The following CPE variants were observed in gnomAD, a reference collection of about 807,000 sequenced individuals.
CPE encodes the protein carboxypeptidase E.
In CPE, 17 loss-of-function variants were observed where a neutral mutation model predicts 53.5. The observed-to-expected ratio is 0.32, with a 90% CI of 0.22 to 0.48. The LOEUF is 0.48. Among genes scored for constraint, CPE ranks in the 20% least tolerant of loss-of-function variants. The probability of loss-of-function intolerance (pLI) is 0.99; values close to 1 mark genes in which losing one functional copy is unlikely to be tolerated. For missense variants in CPE, 524 were observed against 614.7 expected (o/e 0.85, Z 1.56); for synonymous variants, 226 against 228.8 (o/e 0.99, Z 0.11).
intron 1 of CPE, among the ~76,000 whole-genome samples, chr4:165,421,156 G>A (rs1297333770): frequency 6.6e-6 from 1 of 152,176 alleles, no homozygotes; most frequent in East Asian, 1.9e-4. Flanking sequence ...CCTTTTAACT[G>A]CCTAAGGCTG....
chr4:165,443,644 A>G (rs1731654241), intron 1 of CPE, among the ~76,000 whole-genome samples: 1 of 152,180 alleles, frequency 6.6e-6, no homozygotes, highest in East Asian at 1.9e-4. Context: ...TAAGGACACC[A>G]GTCAGGTTGG....
At chr4:165,420,127 T>A (rs1207421879) in intron 1 of CPE, among the ~76,000 whole-genome samples, 1 of 152,186 alleles carries the variant, frequency 6.6e-6, no homozygotes, top group Non-Finnish European at 1.5e-5. Flanking sequence ...TATTCTTAGA[T>A]TTTATCTCTT....
intron 1 of CPE, among the ~76,000 whole-genome samples, chr4:165,393,477 G>GT (rs56131908): frequency 0.066 from 9,970 of 152,144 alleles, 414 homozygotes; most frequent in African/African-American, 0.11. Flanking sequence ...TAGAATTATA[G>GT]TTTTTTCCTA....
chr4:165,457,899 G>A (rs1263359048), intron 1 of CPE, among the ~76,000 whole-genome samples: 1 of 152,032 alleles, frequency 6.6e-6, no homozygotes, highest in Admixed American at 6.5e-5. Flanking sequence ...ACCCCCTCGT[G>A]TTGTTTATTG....
intron 1 of CPE, among the ~76,000 whole-genome samples, chr4:165,455,062 C>T (rs924888365): frequency 3.3e-5 from 5 of 152,180 alleles, no homozygotes; most frequent in Admixed American, 6.5e-5. Flanking sequence ...GGAGAACTTT[C>T]GACCTTTGGA....
At chr4:165,467,237 C>A (rs1732120633) in intron 2 of CPE, among the ~76,000 whole-genome samples, 2 of 152,190 alleles carry the variant, frequency 1.3e-5, no homozygotes, top group Admixed American at 6.5e-5. Context: ...GAGGGAGGAT[C>A]ACTTGAACCC....
intron 1 of CPE, among the ~76,000 whole-genome samples, chr4:165,407,364 C>T (rs1210849074): frequency 6.6e-6 from 1 of 150,718 alleles, no homozygotes; most frequent in Non-Finnish European, 1.5e-5. Context: ...TTTTCATGTG[C>T]TTATTGACCA....
intron 1 of CPE, chr4:165,405,016 G>T (rs1730930253): frequency 8.1e-6 from 6 of 738,312 alleles, no homozygotes; most frequent in Non-Finnish European, 1.3e-5. Flanking sequence ...AGTTGTGATG[G>T]ATGGACAGCA....
chr4:165,453,100 T>C (rs1420020609), intron 1 of CPE, among the ~76,000 whole-genome samples: 5 of 151,378 alleles, frequency 3.3e-5, no homozygotes, highest in African/African-American at 1.2e-4. Flanking sequence ...GCTGGGACTA[T>C]AGGCATGTGC....
chr4:165,401,543 G>A (rs544904326), intron 1 of CPE, among the ~76,000 whole-genome samples: 266 of 152,260 alleles, frequency 1.7e-3, no homozygotes, highest in African/African-American at 6.0e-3. Flanking sequence ...ATTTATGTGC[G>A]GGTAAAATGA....
intron 1 of CPE, among the ~76,000 whole-genome samples, chr4:165,454,441 CA>C (rs1166350984): frequency 6.6e-6 from 1 of 152,036 alleles, no homozygotes; most frequent in Non-Finnish European, 1.5e-5. Context: ...TAAAATGTTC[CA>C]AAGGTCTCCT....
Position 165,393,815 on chromosome 4 carries a change from G to A in CPE, c.307+14287G>A, listed in dbSNP as rs147841256. On this transcript the variant is annotated intron_variant, in intron 1 of 8. Transcript: ENST00000402744. ...TGCTGTAAATGGCTATGGGTGTGCC[G>A]GAGGCGGATAGACAGGGCCTAGGGT... Among the ~76,000 whole-genome samples the A allele has an allele frequency of 7.9e-5, 12 of 152,248 alleles. No individual in the cohort carries two copies. In the East Asian group the frequency reaches 1.7e-3, roughly 22 times the overall value.
At chr4:165,491,458 TTTC>T (rs1386743726) in intron 6 of CPE, among the ~76,000 whole-genome samples, 2 of 152,200 alleles carry the variant, frequency 1.3e-5, no homozygotes, top group East Asian at 1.9e-4. Flanking sequence ...ATATAGCCCT[TTTC>T]TTCTTCTCTA....
intron 1 of CPE, chr4:165,404,168 A>T (rs1476097480): frequency 9.2e-6 from 7 of 761,950 alleles, no homozygotes; most frequent in Non-Finnish European, 1.5e-5. Context: ...GAGCCGGTCC[A>T]CTATCTTCTG....
intron 1 of CPE, among the ~76,000 whole-genome samples, chr4:165,436,010 T>A (rs892364424): frequency 2.0e-5 from 3 of 152,144 alleles, no homozygotes; most frequent in African/African-American, 7.2e-5. Flanking sequence ...TCTGGGCTGA[T>A]TCTTCTTTGC....
chr4:165,481,877 T>A (rs1177337762), intron 3 of CPE, among the ~76,000 whole-genome samples: 1 of 152,234 alleles, frequency 6.6e-6, no homozygotes, highest in Non-Finnish European at 1.5e-5. Flanking sequence ...CTCCTCATAT[T>A]ATCCTTAACT....
rs1044224804 is a variant in CPE, at chr4:165,438,513, T to C, written c.308-25877T>C. On this transcript the variant is annotated intron_variant, in intron 1 of 8. Coordinates refer to ENST00000402744, the MANE Select transcript of CPE (RefSeq NM_001873.4). ...TATCAACATGTATTCATTGAGAATC[T>C]CCTATATGATTGTCACTGTGCTGAG... Among the ~76,000 whole-genome samples, 4 of 152,170 alleles carry C rather than the reference T, an allele frequency of 2.6e-5. No individual in the cohort carries two copies. In the South Asian group the frequency reaches 8.3e-4, roughly 32 times the overall value.
chr4:165,464,295 A>T, intron 1 of CPE, 95 bp from the exon 2 acceptor site: 1 of 1,006,656 alleles, frequency 9.9e-7, no homozygotes, highest in Non-Finnish European at 1.4e-6. Context: ...GGAGGAAAAA[A>T]CCCATCAGAT....
At chr4:165,456,414 A>G (rs1057403856) in intron 1 of CPE, among the ~76,000 whole-genome samples, 1 of 152,200 alleles carries the variant, frequency 6.6e-6, no homozygotes, top group Admixed American at 6.5e-5. Context: ...ATACAAGGTA[A>G]AAAAGCCCCC....
Sources: gnomAD v4.1 joint callset for allele counts (sites outside exome capture counted in the v4.1 genomes callset) on GRCh38, gnomAD v4.1.1 for gene constraint, MANE v1.5 for transcripts, NCBI Gene and HGNC (gene_info 2026-07-23, HGNC 2026-07-21) for gene names.